Variants in MEF2A observed in about 807,000 individuals in gnomAD.
MEF2A encodes the protein myocyte-specific enhancer factor 2A.
A neutral mutation model predicts 55.8 loss-of-function variants in MEF2A; 28 were observed. The observed-to-expected ratio is 0.50, with a 90% CI of 0.37 to 0.69. The LOEUF is 0.69. Ranked by LOEUF, MEF2A falls within the 30% of genes least tolerant of loss-of-function variation. The probability of loss-of-function intolerance (pLI) is 0.00; values close to 1 mark genes in which losing one functional copy is unlikely to be tolerated. For synonymous variants in MEF2A, 239 were observed against 227.1 expected (o/e 1.05, Z -0.47); for missense variants, 528 against 626.2 (o/e 0.84, Z 1.67).
intron 2 of MEF2A, among the ~76,000 whole-genome samples, chr15:99,624,458 T>C (rs1202642900): frequency 6.6e-6 from 1 of 152,226 alleles, no homozygotes; most frequent in African/African-American, 2.4e-5. Flanking sequence ...TGAATGGTCT[T>C]AGCATCCTTT....
intron 1 of MEF2A, among the ~76,000 whole-genome samples, chr15:99,583,909 A>T (rs948487729): frequency 6.6e-6 from 1 of 152,110 alleles, no homozygotes; most frequent in African/African-American, 2.4e-5. Flanking sequence ...TTACTTTGTG[A>T]ACATCATAGA....
chr15:99,686,908 T>C (rs1303140703), intron 7 of MEF2A, among the ~76,000 whole-genome samples: 2 of 138,844 alleles, frequency 1.4e-5, no homozygotes, highest in African/African-American at 4.9e-5. Flanking sequence ...CTTTGTTCAT[T>C]TTTGTTTTTT....
intron 1 of MEF2A, among the ~76,000 whole-genome samples, chr15:99,581,414 C>CT (rs35355471): frequency 5.3e-4 from 78 of 146,586 alleles, no homozygotes; most frequent in East Asian, 1.4e-3. Context: ...TATGAGCTTT[C>CT]TTTTTTTTTT....
At chr15:99,596,741 T>G (rs1971307204) in intron 1 of MEF2A, among the ~76,000 whole-genome samples, 1 of 152,218 alleles carries the variant, frequency 6.6e-6, no homozygotes, top group East Asian at 1.9e-4. Context: ...TTCCTTTTTC[T>G]ACCTGAATGT....
intron 8 of MEF2A, among the ~76,000 whole-genome samples, chr15:99,696,007 A>G (rs933866896): frequency 6.6e-6 from 1 of 152,252 alleles, no homozygotes; most frequent in Non-Finnish European, 1.5e-5. Flanking sequence ...AAGCTTCACA[A>G]CAAGGAAGAG....
chr15:99,689,630 G>A (rs779976639), intron 7 of MEF2A, among the ~76,000 whole-genome samples: 6 of 152,082 alleles, frequency 3.9e-5, no homozygotes, highest in Non-Finnish European at 5.9e-5. Context: ...ACAGGCGGGC[G>A]CCACCACATC....
intron 2 of MEF2A, among the ~76,000 whole-genome samples, chr15:99,607,088 C>A (rs1017714232): frequency 1.3e-5 from 2 of 151,978 alleles, no homozygotes; most frequent in Non-Finnish European, 2.9e-5. Context: ...AAAGTAAAAA[C>A]AAAACATGCA....
At chr15:99,647,722 C>G (rs186509780) in intron 4 of MEF2A, among the ~76,000 whole-genome samples, 2 of 152,164 alleles carry the variant, frequency 1.3e-5, no homozygotes, top group East Asian at 1.9e-4. Flanking sequence ...TTGATGTTTT[C>G]TTTTTAATTG....
At position 99,628,273 on chromosome 15, in the gene MEF2A, T is replaced by C. The variant is rs115135947; in HGVS notation, c.-142-4705T>C. Among the ~76,000 whole-genome samples the C allele has an allele frequency of 8.6e-3, 1,311 of 152,304 alleles. 25 individuals are homozygous for C. The highest frequency in any genetic ancestry group is 0.03 in the African/African-American group (1,229 of 41,572). On this transcript the variant is annotated intron_variant, in intron 2 of 11. Coordinates refer to ENST00000557942, the MANE Select transcript of MEF2A (RefSeq NM_001319206.4). ...CTATGATAGCCACACAACTTTCTTT[T>C]GGTTTGTGTTTTACATGGTGTGTCT...
chr15:99,689,118 A>AT (rs2054871510), intron 7 of MEF2A, among the ~76,000 whole-genome samples: 1 of 152,198 alleles, frequency 6.6e-6, no homozygotes, highest in African/African-American at 2.4e-5. Flanking sequence ...CACAATGTGC[A>AT]TTTTTCCTCA....
chr15:99,622,219 T>G (rs914089536), intron 2 of MEF2A, among the ~76,000 whole-genome samples: 1 of 152,206 alleles, frequency 6.6e-6, no homozygotes, highest in African/African-American at 2.4e-5. Context: ...TTCAGTTACC[T>G]GAGTATTCAG....
chr15:99,573,884 T>G (rs1465403750), intron 1 of MEF2A, among the ~76,000 whole-genome samples: 1 of 152,202 alleles, frequency 6.6e-6, no homozygotes, highest in Non-Finnish European at 1.5e-5. Flanking sequence ...GCAAAATGTT[T>G]ATTTTGATAC....
chr15:99,579,451 G>A (rs1019006779), intron 1 of MEF2A, among the ~76,000 whole-genome samples: 1 of 152,046 alleles, frequency 6.6e-6, no homozygotes, highest in Admixed American at 6.5e-5. Context: ...CTGGAATGCA[G>A]TGGCGTGATC....
chr15:99,683,672 GGGATTATACTTGC>G (rs1192549753), intron 7 of MEF2A, among the ~76,000 whole-genome samples: 1 of 149,558 alleles, frequency 6.7e-6, no homozygotes, highest in East Asian at 1.9e-4. Flanking sequence ...CCAAAGTGCT[GGGATTATACTTGC>G]GAGCCACCAT....
At chr15:99,699,057 TAAAAA>T (rs75522794) in intron 8 of MEF2A, among the ~76,000 whole-genome samples, 1 of 134,520 alleles carries the variant, frequency 7.4e-6, no homozygotes, top group East Asian at 2.1e-4. Flanking sequence ...TCTTAAAAAT[TAAAAA>T]AAAAAAAACA....
Position 99,600,726 on chromosome 15 carries a change from C to A in MEF2A, c.-143+2215C>A, listed in dbSNP as rs187102534. On this transcript the variant is annotated intron_variant, in intron 2 of 11. Coordinates refer to ENST00000557942, the MANE Select transcript of MEF2A (RefSeq NM_001319206.4). ...CATTAATTGGCCATTATGTGTGGGTCTGTTTCAGGACTCTGTTCTGCTGAT... is the reference window on the plus strand; with the variant it reads ...CATTAATTGGCCATTATGTGTGGGTATGTTTCAGGACTCTGTTCTGCTGAT... Among the ~76,000 whole-genome samples, 723 of 151,322 alleles carry A rather than the reference C, an allele frequency of 4.8e-3. 2 individuals carry two copies. The highest frequency in any genetic ancestry group is 0.034 in the Middle Eastern group (10 of 294).
At chr15:99,649,045 TATTA>T (rs932754619) in intron 4 of MEF2A, among the ~76,000 whole-genome samples, 8 of 152,222 alleles carry the variant, frequency 5.3e-5, no homozygotes, top group Admixed American at 2.6e-4. Flanking sequence ...CCTCATTTTA[TATTA>T]ATTATGTTTT....
At chr15:99,616,740 G>C (rs539986388) in intron 2 of MEF2A, among the ~76,000 whole-genome samples, 9 of 152,044 alleles carry the variant, frequency 5.9e-5, no homozygotes, top group African/African-American at 2.2e-4. Flanking sequence ...TGATGATGAG[G>C]GACATCTTTT....
rs34161626 is a variant in MEF2A, at chr15:99,707,938, G to GA, written c.1009+1094dup. Among the ~76,000 whole-genome samples, 204 of 146,152 alleles carry GA rather than the reference G, an allele frequency of 1.4e-3. 1 individual carries two copies. The highest frequency in any genetic ancestry group is 3.4e-3 in the Admixed American group (50 of 14,760). On this transcript the variant is annotated intron_variant, in intron 10 of 11. Transcript: ENST00000557942. Reference sequence around the variant, plus strand: ...AGAATCAACAATAAAAGGTTTTATTGAAAAAAAAAAAGTCTCTTAGGAAAT... The same window carrying GA: ...AGAATCAACAATAAAAGGTTTTATTGAAAAAAAAAAAAGTCTCTTAGGAAAT...
Sources: allele counts gnomAD v4.1 joint callset (sites outside exome capture counted in the v4.1 genomes callset), GRCh38; gene constraint gnomAD v4.1.1; transcripts MANE v1.5; gene names NCBI Gene and HGNC (gene_info 2026-07-23, HGNC 2026-07-21).